SPECC1L: variants seen among roughly 807,000 people sequenced by gnomAD.
The protein encoded by SPECC1L is sperm antigen with calponin homology and coiled-coil domains 1 like.
Under a neutral mutation model 116.8 loss-of-function variants are expected in SPECC1L, and 40 were observed. The observed-to-expected ratio is 0.34, with a 90% CI of 0.27 to 0.45. The LOEUF is 0.45. SPECC1L is among the 20% of genes least tolerant of loss of function. The pLI is 1.00. For synonymous variants in SPECC1L, 504 were observed against 500.6 expected, an observed-to-expected ratio of 1.01 and a Z score of -0.09; for missense variants, 1,110 against 1,373.6, an observed-to-expected ratio of 0.81 and a Z score of 3.03.
chr22:24,282,633 G>A (rs1436854335), intron 2 of SPECC1L, among the ~76,000 whole-genome samples: 1 of 152,196 alleles, frequency 6.6e-6, no homozygotes, highest in East Asian at 1.9e-4. Context: ...GTCAGGTTTA[G>A]TAGGTTATCC....
chr22:24,401,326 C>T (rs181833671), intron 14 of SPECC1L, among the ~76,000 whole-genome samples: 220 of 152,294 alleles, frequency 1.4e-3, no homozygotes, highest in African/African-American at 5.0e-3. Context: ...TCCTGTTGTC[C>T]GTGGTGTAAA....
At chr22:24,387,359 A>G (rs1372684136) in intron 14 of SPECC1L, among the ~76,000 whole-genome samples, 4 of 152,224 alleles carry the variant, frequency 2.6e-5, no homozygotes, top group Admixed American at 6.5e-5. Context: ...AGATTAATCT[A>G]TTATGATGTC....
chr22:24,346,090 T>G (rs1434565656), intron 10 of SPECC1L, among the ~76,000 whole-genome samples: 5 of 151,060 alleles, frequency 3.3e-5, no homozygotes, highest in Non-Finnish European at 7.4e-5. Flanking sequence ...CACTGCAACC[T>G]CCGCCTCTCG....
chr22:24,317,466 G>A (rs1312332607), intron 4 of SPECC1L, among the ~76,000 whole-genome samples: 3 of 129,258 alleles, frequency 2.3e-5, no homozygotes, highest in South Asian at 2.4e-4. Flanking sequence ...CGGACGGGGC[G>A]GCTGGCTGGG....
intron 14 of SPECC1L, among the ~76,000 whole-genome samples, chr22:24,390,225 T>C (rs918618973): frequency 6.6e-6 from 1 of 152,082 alleles, no homozygotes; most frequent in African/African-American, 2.4e-5. Flanking sequence ...TTCTCACCCT[T>C]CCACCTTCCT....
At chr22:24,404,578 A>G (rs989210527) in intron 14 of SPECC1L, among the ~76,000 whole-genome samples, 4 of 152,062 alleles carry the variant, frequency 2.6e-5, no homozygotes, top group African/African-American at 9.7e-5. Flanking sequence ...GCTGCCAAGT[A>G]TCTCTGGAGC....
Position 24,322,575 on chromosome 22 carries a change from A to G in SPECC1L, c.1595A>G (p.Glu532Gly). ...MAEQDNKEAQ[E>G]MIGALKERSH... ...GAACAAGACAATAAGGAAGCTCAAG[A>G]AATGATAGGGGCACTCAAAGAACGC... The change falls in exon 5 of 17, where the codon GAA becomes GGA. Residue 532 changes from glutamate to glycine, a missense_variant. Glu to Gly is a moderately conservative substitution (Grantham distance 98). Transcript: ENST00000314328. The G allele has an allele frequency of 6.2e-7, 1 of 1,614,226 alleles. No individual in the cohort carries two copies. Among genetic ancestry groups the G allele is most frequent in the South Asian group, 1.1e-5 (1 of 91,080 alleles).
intron 2 of SPECC1L, among the ~76,000 whole-genome samples, chr22:24,300,910 C>T (rs1403511305): frequency 2.0e-5 from 3 of 152,132 alleles, no homozygotes. Context: ...AACTGGGTAG[C>T]TGTATGCAGA....
chr22:24,397,344 A>T (rs1358139978), intron 14 of SPECC1L, among the ~76,000 whole-genome samples: 2 of 152,214 alleles, frequency 1.3e-5, no homozygotes, highest in Non-Finnish European at 2.9e-5. Context: ...CTGCAAGACC[A>T]TGGTGCATTT....
chr22:24,321,428 T>C lies in SPECC1L; in HGVS notation c.448T>C (p.Leu150=), dbSNP rs2040721234. 6.2e-7 allele frequency: 1 copy of C among 1,614,236 alleles called. No homozygotes were observed. The highest frequency in any genetic ancestry group is 8.5e-7 in the Non-Finnish European group (1 of 1,180,034). The change falls in exon 5 of 17, where the codon TTG becomes CTG. Residue 150 remains leucine (L), a synonymous_variant. Coordinates refer to ENST00000314328, the MANE Select transcript of SPECC1L (RefSeq NM_015330.6). The stretch of plus-strand genomic sequence containing the variant: ...AGGTCAGGGAGCTAATGACATGGCA[T>C]TGGCCAAACGTTCCCGCAGTCGAAC... ...SAGQGANDMA[L]AKRSRSRTAT... is the part of the protein sequence containing the mutation.
At chr22:24,368,536 C>T (rs140251011) in intron 13 of SPECC1L, among the ~76,000 whole-genome samples, 99 of 152,270 alleles carry the variant, frequency 6.5e-4, no homozygotes, top group African/African-American at 2.2e-3. Flanking sequence ...TTCTTAAAGG[C>T]GAGAACTATT....
chr22:24,356,950 A>G (rs6004140), intron 11 of SPECC1L, among the ~76,000 whole-genome samples: 187 of 151,978 alleles, frequency 1.2e-3, no homozygotes, highest in African/African-American at 4.1e-3. Context: ...TCTACCCACC[A>G]GAGTCCCAGT....
chr22:24,285,721 G>A (rs1382714616), intron 2 of SPECC1L, among the ~76,000 whole-genome samples: 1 of 151,774 alleles, frequency 6.6e-6, no homozygotes, highest in African/African-American at 2.4e-5. Context: ...TCAGCTCACT[G>A]CGACCTCCGC....
intron 14 of SPECC1L, among the ~76,000 whole-genome samples, chr22:24,404,879 TC>T (rs1271968962): frequency 1.3e-5 from 2 of 152,162 alleles, no homozygotes; most frequent in Non-Finnish European, 1.5e-5. Context: ...CCACAGGCTG[TC>T]CCTAGATGTG....
At chr22:24,400,616 CTG>C (rs1382879926) in intron 14 of SPECC1L, among the ~76,000 whole-genome samples, 2 of 152,210 alleles carry the variant, frequency 1.3e-5, no homozygotes, top group Admixed American at 6.5e-5. Flanking sequence ...TATATTAACT[CTG>C]TGTTTAACTT....
chr22:24,277,503 A>C (rs1300818713), intron 2 of SPECC1L, among the ~76,000 whole-genome samples: 1 of 152,198 alleles, frequency 6.6e-6, no homozygotes, highest in Non-Finnish European at 1.5e-5. Context: ...ATACCTCAAA[A>C]AGAAGTCTGT....
intron 6 of SPECC1L, among the ~76,000 whole-genome samples, chr22:24,324,765 C>T (rs769701764): frequency 2.6e-5 from 4 of 152,126 alleles, no homozygotes; most frequent in South Asian, 2.1e-4. Context: ...GTGGGAGGAT[C>T]GCTTGAACCC....
Position 24,355,643 on chromosome 22 carries a change from A to G in SPECC1L, c.2744-7618A>G, listed in dbSNP as rs1408003571. Among the ~76,000 whole-genome samples, 12 of 151,768 alleles carry G rather than the reference A, an allele frequency of 7.9e-5. No homozygotes were observed. The East Asian group carries it at 2.3e-3, about 29-fold the overall frequency. On this transcript the variant is annotated intron_variant, in intron 11 of 16. Coordinates refer to ENST00000314328, the MANE Select transcript of SPECC1L (RefSeq NM_015330.6). ...TTTGGGGGTGAGAAACTTGGCTCTC[A>G]TTATCTACAATATATTTATGTATTT...
chr22:24,414,620 C>G lies in SPECC1L; in HGVS notation c.3351C>G (p.Thr1117=). ...YVTAIYKYFE[T] ...CGGCGATCTACAAGTACTTTGAGAC[C>G]TGAGCATGCCGGGAGGAGCCGCCCC... Residue 1117 remains threonine (T), a synonymous_variant, in exon 17 of 17, where the codon ACC becomes ACG. Coordinates refer to ENST00000314328, the MANE Select transcript of SPECC1L (RefSeq NM_015330.6). 1 of 1,613,802 alleles carries G rather than the reference C, an allele frequency of 6.2e-7. No individual in the cohort carries two copies. Among genetic ancestry groups the G allele is most frequent in the Non-Finnish European group, 8.5e-7 (1 of 1,179,934 alleles).
Sources: gnomAD v4.1 joint callset for allele counts (sites outside exome capture counted in the v4.1 genomes callset) on GRCh38, gnomAD v4.1.1 for gene constraint, MANE v1.5 for transcripts, NCBI Gene and HGNC (gene_info 2026-07-23, HGNC 2026-07-21) for gene names.